ASCC1: variants seen among roughly 807,000 people sequenced by gnomAD.
ASCC1 encodes ASC-1 complex subunit P50.
In ASCC1, 35 loss-of-function variants were observed where a neutral mutation model predicts 46.6. The observed-to-expected ratio is 0.75, with a 90% CI of 0.57 to 0.99. The LOEUF (loss-of-function observed/expected upper bound fraction) is 0.99. ASCC1 is among the 50% of genes least tolerant of loss of function. The pLI is 0.00. For synonymous variants in ASCC1, 143 were observed against 146.6 expected (o/e 0.98, Z 0.18); for missense variants, 376 against 428.7 (o/e 0.88, Z 1.09).
intron 7 of ASCC1, among the ~76,000 whole-genome samples, chr10:72,144,504 C>T (rs1016539237): frequency 6.6e-6 from 1 of 152,024 alleles, no homozygotes; most frequent in Non-Finnish European, 1.5e-5. Context: ...GGATTTCTTC[C>T]CACCACCTTA....
chr10:72,146,103 C>A (rs1847594939), intron 7 of ASCC1, among the ~76,000 whole-genome samples: 1 of 152,218 alleles, frequency 6.6e-6, no homozygotes, highest in Non-Finnish European at 1.5e-5. Context: ...AGCAAAGAAA[C>A]CTCCTCCATG....
intron 5 of ASCC1, among the ~76,000 whole-genome samples, chr10:72,166,425 C>T (rs951866889): frequency 3.3e-5 from 5 of 150,904 alleles, no homozygotes; most frequent in African/African-American, 7.4e-5. Context: ...CAACTTAGAC[C>T]AGTTCAAGAC....
rs746994660 is a variant in ASCC1, at chr10:72,196,951, G to T, written c.349C>A (p.Arg117=). Residue 117 remains arginine, a synonymous_variant, in exon 5 of 10, where the codon CGA becomes AGA. Coordinates refer to ENST00000672957, the MANE Select transcript of ASCC1 (RefSeq NM_001198800.3). ...GQHRNGVISA[R]TRIDVLLDTF... ...TCCAAAAGAACATCAATCCGTGTTC[G>T]GGCTGAAATTACACCATTTCGATGC... 3.7e-6 allele frequency: 6 copies of T among 1,613,550 alleles called. No individual in the cohort carries two copies. The highest frequency in any genetic ancestry group is 1.1e-5 in the South Asian group (1 of 91,084).
chr10:72,131,808 T>C (rs1845637725), intron 8 of ASCC1, among the ~76,000 whole-genome samples: 1 of 151,658 alleles, frequency 6.6e-6, no homozygotes, highest in Admixed American at 6.6e-5. Context: ...CAAATTGTCC[T>C]AACTAAAAAC....
intron 2 of ASCC1, chr10:72,212,294 CA>C (rs1297789848): frequency 5.8e-6 from 1 of 171,608 alleles, no homozygotes; most frequent in Non-Finnish European, 1.3e-5. Flanking sequence ...GCCTGGGTGA[CA>C]AGAGCAAAAC....
At chr10:72,112,050 G>A (rs1298680071) in intron 9 of ASCC1, among the ~76,000 whole-genome samples, 1 of 152,092 alleles carries the variant, frequency 6.6e-6, no homozygotes, top group African/African-American at 2.4e-5. Flanking sequence ...ATAACACTTA[G>A]CCATTGTTGA....
At chr10:72,193,250 G>A (rs1278000455) in intron 5 of ASCC1, among the ~76,000 whole-genome samples, 1 of 152,066 alleles carries the variant, frequency 6.6e-6, no homozygotes, top group Non-Finnish European at 1.5e-5. Flanking sequence ...CCTCCAATGG[G>A]TGAATGGAGA....
At chr10:72,208,767 AT>A (rs1419833294) in intron 3 of ASCC1, among the ~76,000 whole-genome samples, 20 of 151,294 alleles carry the variant, frequency 1.3e-4, no homozygotes, top group Non-Finnish European at 2.5e-4. Context: ...CTCAAAAAAA[AT>A]GTGTGTGTGT....
chr10:72,155,020 T>C (rs1848789025), intron 6 of ASCC1, among the ~76,000 whole-genome samples: 1 of 152,202 alleles, frequency 6.6e-6, no homozygotes, highest in African/African-American at 2.4e-5. Context: ...ATAAGTTATA[T>C]TTCTAAGTTT....
At chr10:72,171,025 T>C (rs368604104) in intron 5 of ASCC1, among the ~76,000 whole-genome samples, 1 of 152,124 alleles carries the variant, frequency 6.6e-6, no homozygotes, top group East Asian at 1.9e-4. Flanking sequence ...GGCTATGACA[T>C]GTGCAACTCA....
chr10:72,160,255 T>C (rs1226619162), intron 6 of ASCC1, among the ~76,000 whole-genome samples: 1 of 152,186 alleles, frequency 6.6e-6, no homozygotes, highest in Admixed American at 6.5e-5. Flanking sequence ...TCCTTTTACC[T>C]TGTTCTATCC....
intron 2 of ASCC1, among the ~76,000 whole-genome samples, chr10:72,211,540 G>T (rs1858110401): frequency 6.6e-6 from 1 of 152,050 alleles, no homozygotes; most frequent in Non-Finnish European, 1.5e-5. Context: ...AGTGAACCAA[G>T]GTCGTGCCAC....
Position 72,152,890 on chromosome 10 carries a change from T to C in ASCC1, c.725A>G (p.His242Arg). 2 of 1,614,178 alleles carry C rather than the reference T, an allele frequency of 1.2e-6. No homozygotes were observed. The highest frequency in any genetic ancestry group is 1.7e-6 in the Non-Finnish European group (2 of 1,180,022). Reference sequence around the variant, plus strand: ...ATACCTGTTGGAGCCATCTTTCATATGGACTTTGGCGTAAAGAACATCCAC... The same window carrying C: ...ATACCTGTTGGAGCCATCTTTCATACGGACTTTGGCGTAAAGAACATCCAC... ...GMVDVLYAKV[H>R]MKDGSNRLQE... The change falls in exon 7 of 10, where the codon CAT becomes CGT. Residue 242 changes from histidine (H) to arginine (R), a missense_variant. His to Arg is a conservative substitution (Grantham distance 29). Transcript: ENST00000672957.
At chr10:72,098,555 C>T (rs1029526407) in intron 9 of ASCC1, among the ~76,000 whole-genome samples, 2 of 152,230 alleles carry the variant, frequency 1.3e-5, no homozygotes, top group Non-Finnish European at 1.5e-5. Flanking sequence ...ATGTCCCCAA[C>T]GATGCCTGAG....
intron 4 of ASCC1, among the ~76,000 whole-genome samples, chr10:72,199,242 G>C (rs551238710): frequency 6.6e-6 from 1 of 150,918 alleles, no homozygotes; most frequent in East Asian, 1.9e-4. Context: ...TCCTGCCTCA[G>C]CCTCCCAAGT....
chr10:72,205,197 G>A (rs896462705), intron 3 of ASCC1, among the ~76,000 whole-genome samples: 14 of 152,178 alleles, frequency 9.2e-5, no homozygotes, highest in Non-Finnish European at 1.6e-4. Flanking sequence ...TAGGCCAGGT[G>A]CAGTGGCTCA....
intron 8 of ASCC1, among the ~76,000 whole-genome samples, chr10:72,128,477 G>A (rs1205723978): frequency 6.6e-6 from 1 of 152,172 alleles, no homozygotes; most frequent in East Asian, 1.9e-4. Context: ...GTGGACCTTA[G>A]TTCCTCATTG....
At chr10:72,104,216 T>C (rs1842104040) in intron 9 of ASCC1, among the ~76,000 whole-genome samples, 1 of 152,114 alleles carries the variant, frequency 6.6e-6, no homozygotes, top group Admixed American at 6.6e-5. Context: ...CACAGCCCCA[T>C]TAAATAGCCA....
intron 5 of ASCC1, among the ~76,000 whole-genome samples, chr10:72,184,158 T>C (rs1853087833): frequency 9.1e-6 from 1 of 110,404 alleles, no homozygotes; most frequent in Admixed American, 8.9e-5. Context: ...AATAAATAAA[T>C]AAATAAAACC....
Sources: allele counts gnomAD v4.1 joint callset (sites outside exome capture counted in the v4.1 genomes callset), GRCh38; gene constraint gnomAD v4.1.1; transcripts MANE v1.5; gene names NCBI Gene and HGNC (gene_info 2026-07-23, HGNC 2026-07-21).